The following GRM7 variants were observed in gnomAD, a reference collection of about 807,000 sequenced individuals.
The protein encoded by GRM7 is metabotropic glutamate receptor 7.
GRM7 carries 35 observed loss-of-function variants against 84.5 expected under a neutral mutation model. The ratio of observed to expected loss-of-function variants is 0.41; its 90% CI spans 0.32 to 0.55. GRM7 has a LOEUF of 0.55. Ranked by LOEUF, GRM7 falls within the 20% of genes least tolerant of loss-of-function variation. The pLI is 0.19. For missense variants in GRM7, 1,003 were observed against 1,194.6 expected (o/e 0.84, Z 2.36); for synonymous variants, 487 against 455.1 (o/e 1.07, Z -0.89).
intron 1 of GRM7, among the ~76,000 whole-genome samples, chr3:6,923,032 T>G (rs1697176314): frequency 6.6e-6 from 1 of 152,168 alleles, no homozygotes; most frequent in Non-Finnish European, 1.5e-5. Context: ...TTTCTTTTTT[T>G]TGCAACGGAG....
At position 7,202,330 on chromosome 3, in the gene GRM7, T is replaced by A. The variant is rs149526042; in HGVS notation, c.736+55662T>A. Among the ~76,000 whole-genome samples the A allele has an allele frequency of 8.1e-4, 123 of 152,230 alleles. 1 individual carries two copies. The highest frequency in any genetic ancestry group is 2.9e-3 in the African/African-American group (121 of 41,552). On this transcript the variant is annotated intron_variant, in intron 2 of 9. Coordinates refer to ENST00000357716, the MANE Select transcript of GRM7 (RefSeq NM_000844.4). Reference sequence around the variant, plus strand: ...ACAAAATCTTTTGTTTTTTGTATGTTTGTTTGTTTGTTTGTTTTGAGACAG... The same window carrying A: ...ACAAAATCTTTTGTTTTTTGTATGTATGTTTGTTTGTTTGTTTTGAGACAG...
intron 9 of GRM7, among the ~76,000 whole-genome samples, chr3:7,725,048 T>G (rs560241976): frequency 2.6e-5 from 4 of 152,322 alleles, no homozygotes; most frequent in East Asian, 3.9e-4. Flanking sequence ...CCTGTGGATA[T>G]AATTTTCATC....
intron 8 of GRM7, among the ~76,000 whole-genome samples, chr3:7,588,320 T>A (rs1575528098): frequency 6.6e-6 from 1 of 152,186 alleles, no homozygotes; most frequent in East Asian, 1.9e-4. Context: ...CCACCTGCTG[T>A]GGAGTTATGC....
intron 1 of GRM7, among the ~76,000 whole-genome samples, chr3:7,042,343 G>A (rs1340928854): frequency 6.6e-6 from 1 of 152,152 alleles, no homozygotes; most frequent in African/African-American, 2.4e-5. Flanking sequence ...ACACTTCTTG[G>A]TGATCACAGG....
chr3:7,714,936 C>A (rs1701719810), intron 9 of GRM7, among the ~76,000 whole-genome samples: 1 of 152,190 alleles, frequency 6.6e-6, no homozygotes, highest in African/African-American at 2.4e-5. Context: ...TGAACAGTCA[C>A]CCATCTGGTA....
chr3:7,612,697 G>GATAACTAGT (rs1553624782), intron 8 of GRM7, among the ~76,000 whole-genome samples: 2 of 152,132 alleles, frequency 1.3e-5, no homozygotes, highest in Non-Finnish European at 2.9e-5. Context: ...ATTTTGGAAG[G>GATAACTAGT]ATAACTAGTA....
chr3:7,207,394 T>C (rs1038396620), intron 2 of GRM7, among the ~76,000 whole-genome samples: 3 of 152,216 alleles, frequency 2.0e-5, no homozygotes, highest in Admixed American at 2.0e-4. Flanking sequence ...CTGTGAAATA[T>C]GCAAATTTCA....
intron 5 of GRM7, among the ~76,000 whole-genome samples, chr3:7,418,194 T>G (rs1051258885): frequency 6.6e-6 from 1 of 152,164 alleles, no homozygotes; most frequent in Non-Finnish European, 1.5e-5. Context: ...ATTTCCACTT[T>G]CCTTGATACC....
chr3:7,187,503 T>C (rs1334704973), intron 2 of GRM7, among the ~76,000 whole-genome samples: 1 of 152,178 alleles, frequency 6.6e-6, no homozygotes, highest in Non-Finnish European at 1.5e-5. Context: ...CAGGAAAGAA[T>C]TCAAGGGCAA....
At chr3:7,115,756 G>T (rs922051240) in intron 1 of GRM7, among the ~76,000 whole-genome samples, 2 of 152,106 alleles carry the variant, frequency 1.3e-5, no homozygotes, top group African/African-American at 4.8e-5. Flanking sequence ...CATTATTCCA[G>T]ATTAATTCCT....
intron 8 of GRM7, among the ~76,000 whole-genome samples, chr3:7,645,979 C>G (rs1698619922): frequency 6.6e-6 from 1 of 152,166 alleles, no homozygotes; most frequent in Non-Finnish European, 1.5e-5. Flanking sequence ...TTGCTAAGCC[C>G]TCATTAACAA....
intron 2 of GRM7, among the ~76,000 whole-genome samples, chr3:7,205,792 A>G (rs1422363938): frequency 6.6e-6 from 1 of 152,210 alleles, no homozygotes; most frequent in Admixed American, 6.5e-5. Context: ...AGGGGATTTC[A>G]AAAGAGAAAT....
chr3:7,434,364 T>C lies in GRM7; in HGVS notation c.1175-18243T>C, dbSNP rs186100575. The stretch of plus-strand genomic sequence containing the variant: ...GTAATAATGGGAGTACCTTACTTTG[T>C]TCCCAATCATAACGTAAATCAGTCT... On this transcript the variant is annotated intron_variant, in intron 5 of 9. Coordinates refer to ENST00000357716, the MANE Select transcript of GRM7 (RefSeq NM_000844.4). 8.0e-4 allele frequency among the ~76,000 whole-genome samples: 122 copies of C among 152,316 alleles called. 1 individual carries two copies. Among genetic ancestry groups the C allele is most frequent in the African/African-American group, 2.9e-3 (120 of 41,594 alleles).
At chr3:7,429,325 A>G (rs1214622786) in intron 5 of GRM7, among the ~76,000 whole-genome samples, 1 of 152,194 alleles carries the variant, frequency 6.6e-6, no homozygotes, top group Non-Finnish European at 1.5e-5. Context: ...ACCTATTTTT[A>G]TCATTACTGA....
intron 1 of GRM7, among the ~76,000 whole-genome samples, chr3:7,022,988 G>A (rs1271336114): frequency 2.0e-5 from 3 of 151,844 alleles, no homozygotes; most frequent in Admixed American, 6.6e-5. Context: ...GTGGAGATGG[G>A]GAGTGTAGAA....
At chr3:7,229,254 G>A (rs941177428) in intron 2 of GRM7, among the ~76,000 whole-genome samples, 2 of 152,068 alleles carry the variant, frequency 1.3e-5, no homozygotes, top group Non-Finnish European at 2.9e-5. Flanking sequence ...TACTTACTCT[G>A]TAGAAATATT....
intron 4 of GRM7, among the ~76,000 whole-genome samples, chr3:7,394,367 A>G (rs942893233): frequency 3.2e-4 from 49 of 152,224 alleles, no homozygotes; most frequent in Admixed American, 1.6e-3. Flanking sequence ...GAGGACATGT[A>G]AAGTGTTCTC....
chr3:7,730,446 T>C (rs1267787296), intron 9 of GRM7, among the ~76,000 whole-genome samples: 1 of 152,208 alleles, frequency 6.6e-6, no homozygotes, highest in African/African-American at 2.4e-5. Context: ...AAATAGTAGG[T>C]GCTCAACAGA....
At chr3:6,913,756 A>G (rs1696851948) in intron 1 of GRM7, among the ~76,000 whole-genome samples, 1 of 152,158 alleles carries the variant, frequency 6.6e-6, no homozygotes, top group South Asian at 2.1e-4. Flanking sequence ...GGTTGTTTGC[A>G]ACCACTCAGT....
Sources: allele counts gnomAD v4.1 joint callset (sites outside exome capture counted in the v4.1 genomes callset), GRCh38; gene constraint gnomAD v4.1.1; transcripts MANE v1.5; gene names NCBI Gene and HGNC (gene_info 2026-07-23, HGNC 2026-07-21).